The following NIN variants were observed in gnomAD, a reference collection of about 807,000 sequenced individuals.
NIN encodes glycogen synthase kinase 3 beta-interacting protein.
NIN carries 137 observed loss-of-function variants against 257.6 expected under a neutral mutation model. The observed-to-expected ratio is 0.53, with a 90% CI of 0.46 to 0.61. NIN has a LOEUF of 0.61. NIN is among the 20% of genes least tolerant of loss of function. The pLI is 0.00. For synonymous variants in NIN, 918 were observed against 919.8 expected (o/e 1.00, Z 0.04); for missense variants, 2,439 against 2,501.2 (o/e 0.98, Z 0.53).
At chr14:50,733,623 G>C (rs1279495549) in intron 28 of NIN, among the ~76,000 whole-genome samples, 3 of 152,140 alleles carry the variant, frequency 2.0e-5, no homozygotes, top group African/African-American at 4.8e-5. Flanking sequence ...GGTAAAACAG[G>C]AACAGGCAGG....
Position 50,722,514 on chromosome 14 carries a change from TAGAG to T in NIN, c.*945_*948del, listed in dbSNP as rs915329477. ...ACATGGTTTATACATTTCAAATTCT[TAGAG>T]AGGCCCTACAGTAGTTCAGGAAGAC... On this transcript the variant is annotated 3_prime_UTR_variant, in exon 31 of 31. Coordinates refer to ENST00000530997, the MANE Select transcript of NIN (RefSeq NM_020921.4). 2 of 208,636 alleles carry T rather than the reference TAGAG, an allele frequency of 9.6e-6. No individual in the cohort carries two copies. The highest frequency in any genetic ancestry group is 1.9e-4 in the South Asian group (1 of 5,312). The allele number at this position is 208,636 out of a possible 1,614,324, so 12.9% of individuals were successfully genotyped here.
chr14:50,775,985 T>G (rs1167722944), intron 7 of NIN, among the ~76,000 whole-genome samples: 1 of 152,164 alleles, frequency 6.6e-6, no homozygotes, highest in Admixed American at 6.5e-5. Context: ...TGAAAGCTTT[T>G]GAAAATAAAT....
intron 5 of NIN, among the ~76,000 whole-genome samples, chr14:50,789,734 C>A (rs1411474642): frequency 6.6e-6 from 1 of 152,190 alleles, no homozygotes; most frequent in East Asian, 1.9e-4. Context: ...ATCACTGGGT[C>A]TCCTAAGAGA....
At chr14:50,800,484 A>G (rs1398510306) in intron 4 of NIN, among the ~76,000 whole-genome samples, 1 of 152,224 alleles carries the variant, frequency 6.6e-6, no homozygotes, top group Non-Finnish European at 1.5e-5. Flanking sequence ...TGGATTAGGG[A>G]TGCCCAACAT....
chr14:50,810,864 G>A (rs1000419643), intron 3 of NIN, among the ~76,000 whole-genome samples: 10 of 151,676 alleles, frequency 6.6e-5, no homozygotes, highest in Non-Finnish European at 1.0e-4. Context: ...GGGTTTCACC[G>A]CGTTAGCCAG....
intron 4 of NIN, chr14:50,805,982 A>AC (rs2044307459): frequency 6.6e-6 from 1 of 152,282 alleles, no homozygotes; most frequent in African/African-American, 2.4e-5. Context: ...TTACACATCT[A>AC]CCATATTTCA....
At chr14:50,737,495 C>CAAAAAAAA (rs58386910) in intron 27 of NIN, among the ~76,000 whole-genome samples, 4 of 54,446 alleles carry the variant, frequency 7.3e-5, no homozygotes, top group East Asian at 6.3e-4. Flanking sequence ...TGTTACATAG[C>CAAAAAAAA]AAAAAAAAAA....
chr14:50,767,630 A>T (rs576331377), intron 12 of NIN, among the ~76,000 whole-genome samples: 5 of 152,092 alleles, frequency 3.3e-5, no homozygotes, highest in Non-Finnish European at 5.9e-5. Context: ...ATCCTGGCGA[A>T]CACGGTGAAA....
Position 50,760,365 on chromosome 14 carries a change from G to A in NIN, c.1897-6C>T. 6.3e-7 allele frequency: 1 copy of A among 1,595,592 alleles called. No homozygotes were observed. Among genetic ancestry groups the A allele is most frequent in the South Asian group, 1.1e-5 (1 of 90,734 alleles). The stretch of plus-strand genomic sequence containing the variant: ...TGCTTTTCATAATGGCGCACCTGAA[G>A]GCACAGAGTGACACCACCACAAGAT... On this transcript the variant is annotated splice_region_variant and splice_polypyrimidine_tract_variant and intron_variant, in intron 16 of 30. Transcript: ENST00000530997.
chr14:50,762,358 C>T (rs1183171609), intron 15 of NIN, among the ~76,000 whole-genome samples: 1 of 152,100 alleles, frequency 6.6e-6, no homozygotes, highest in African/African-American at 2.4e-5. Context: ...TGCTGCGATG[C>T]CCTGAGGAGT....
intron 12 of NIN, 97 bp downstream of exon 12, chr14:50,770,291 A>T: frequency 2.4e-6 from 3 of 1,248,830 alleles, no homozygotes; most frequent in Non-Finnish European, 3.3e-6. Flanking sequence ...GGATTTTTGG[A>T]CTGAACCCTG....
chr14:50,752,044 A>G (rs2041808951), intron 21 of NIN, among the ~76,000 whole-genome samples: 1 of 151,944 alleles, frequency 6.6e-6, no homozygotes, highest in South Asian at 2.1e-4. Context: ...TTTTTTTAAC[A>G]TATAATCAGT....
At chr14:50,747,375 C>T (rs1167005533) in intron 22 of NIN, among the ~76,000 whole-genome samples, 1 of 152,168 alleles carries the variant, frequency 6.6e-6, no homozygotes, top group Non-Finnish European at 1.5e-5. Context: ...TACTTTATAA[C>T]CTGGCTGGGT....
chr14:50,808,657 T>A (rs778305631), intron 3 of NIN, among the ~76,000 whole-genome samples: 9 of 152,210 alleles, frequency 5.9e-5, no homozygotes, highest in Non-Finnish European at 1.0e-4. Context: ...TTGGCCCTGG[T>A]GACACAGTAG....
At chr14:50,762,969 G>T (rs375738093) in intron 15 of NIN, among the ~76,000 whole-genome samples, 3 of 152,124 alleles carry the variant, frequency 2.0e-5, no homozygotes, top group African/African-American at 7.2e-5. Flanking sequence ...CTATGGAAAA[G>T]TCCATAACAG....
chr14:50,760,619 C>T (rs2042240231), intron 16 of NIN, among the ~76,000 whole-genome samples: 1 of 152,076 alleles, frequency 6.6e-6, no homozygotes, highest in African/African-American at 2.4e-5. Flanking sequence ...AGCCATTACA[C>T]ATAGCTACCC....
At position 50,802,987 on chromosome 14, in the gene NIN, T is replaced by G. The variant is rs1322896566; in HGVS notation, c.265+3750A>C. On this transcript the variant is annotated intron_variant, in intron 4 of 30. Transcript: ENST00000530997. ...GGTCCCCCTTTTATTTTCAGTCTCC[T>G]TCTATGGTGTAAAGGTAACCTTTTA... Among the ~76,000 whole-genome samples, 4 of 152,346 alleles carry G rather than the reference T, an allele frequency of 2.6e-5. No individual in the cohort carries two copies. The South Asian group carries it at 6.2e-4, about 24-fold the overall frequency.
At chr14:50,811,132 G>T (rs2044578774) in intron 3 of NIN, among the ~76,000 whole-genome samples, 1 of 150,188 alleles carries the variant, frequency 6.7e-6, no homozygotes, top group Non-Finnish European at 1.5e-5. Flanking sequence ...TTTTCAGATG[G>T]AGGCTTGCTC....
Position 50,821,854 on chromosome 14 carries a change from C to G in NIN, c.183+20G>C. ...AACCGCACCCCACTTCCCATAGCCA[C>G]GTTCTTCCCCAGACCTTACCCTGCC... On this transcript the variant is annotated intron_variant, in intron 3 of 30. Coordinates refer to ENST00000530997, the MANE Select transcript of NIN (RefSeq NM_020921.4). 6.2e-7 allele frequency: 1 copy of G among 1,600,086 alleles called. No individual in the cohort carries two copies. Among genetic ancestry groups the G allele is most frequent in the South Asian group, 1.1e-5 (1 of 89,644 alleles).
Sources: allele counts gnomAD v4.1 joint callset (sites outside exome capture counted in the v4.1 genomes callset), GRCh38; gene constraint gnomAD v4.1.1; transcripts MANE v1.5; gene names NCBI Gene and HGNC (gene_info 2026-07-23, HGNC 2026-07-21).